SCAF8: variants seen among roughly 807,000 people sequenced by gnomAD.
SCAF8 encodes SR-related CTD associated factor 8.
In SCAF8, 23 loss-of-function variants were observed where a neutral mutation model predicts 140.5. The observed-to-expected ratio is 0.16, with a 90% confidence interval of 0.12 to 0.23. The LOEUF (loss-of-function observed/expected upper bound fraction) is 0.23. Among genes scored for constraint, SCAF8 ranks in the 10% least tolerant of loss-of-function variants. SCAF8 has a pLI of 1.00. For missense variants in SCAF8, 1,397 were observed against 1,555.7 expected (o/e 0.90, Z 1.72); for synonymous variants, 575 against 528.9 (o/e 1.09, Z -1.20).
chr6:154,820,414 G>A (rs1437146012), intron 15 of SCAF8, 81 bp downstream of exon 15: 10 of 1,132,956 alleles, frequency 8.8e-6, no homozygotes, highest in Admixed American at 7.1e-5. Context: ...GGATGACAGC[G>A]TTAACTGTGT....
At chr6:154,796,047 G>T (rs1403588718) in intron 6 of SCAF8, among the ~76,000 whole-genome samples, 1 of 151,770 alleles carries the variant, frequency 6.6e-6, no homozygotes, top group Admixed American at 6.6e-5. Context: ...ATAATTCTGT[G>T]TCCTCAGTTT....
At chr6:154,764,231 TTAA>T (rs1205508941) in intron 1 of SCAF8, among the ~76,000 whole-genome samples, 3 of 152,098 alleles carry the variant, frequency 2.0e-5, no homozygotes, top group Non-Finnish European at 4.4e-5. Flanking sequence ...AAAGAATGAA[TTAA>T]TTACACTGAA....
intron 5 of SCAF8, 52 bp from the exon 6 acceptor site, chr6:154,794,957 T>G (rs1777556317): frequency 1.3e-6 from 2 of 1,496,906 alleles, no homozygotes; most frequent in Non-Finnish European, 1.8e-6. Flanking sequence ...TTTTCTAGTC[T>G]TAGTTACTTA....
chr6:154,807,265 A>C (rs1053940690), intron 9 of SCAF8, among the ~76,000 whole-genome samples: 1 of 152,174 alleles, frequency 6.6e-6, no homozygotes, highest in Non-Finnish European at 1.5e-5. Context: ...TTAGTTAATT[A>C]CTCTATATAT....
At chr6:154,829,571 C>T (rs1778669000) in intron 18 of SCAF8, among the ~76,000 whole-genome samples, 1 of 152,060 alleles carries the variant, frequency 6.6e-6, no homozygotes, top group African/African-American at 2.4e-5. Flanking sequence ...AATTCATTTT[C>T]CTTGTATTCT....
At position 154,733,754 on chromosome 6, in the gene SCAF8, C is replaced by T. The variant is rs1488856675; in HGVS notation, c.-147C>T. The T allele has an allele frequency of 1.5e-6, 2 of 1,352,800 alleles. No individual in the cohort carries two copies. The highest frequency in any genetic ancestry group is 3.1e-5 in the African/African-American group (2 of 65,042). 83.8% of individuals were successfully genotyped at this position (1,352,800 alleles called of 1,614,324 possible). On this transcript the variant is annotated 5_prime_UTR_variant, in exon 1 of 20. Transcript: ENST00000367178. ...CCCTTCCCCGCCAGCGCGTGCCCTT[C>T]CACTCCGCCCCGAGGTCGCAGCGGC...
chr6:154,771,658 A>G (rs1430809796), intron 1 of SCAF8, among the ~76,000 whole-genome samples: 3 of 152,186 alleles, frequency 2.0e-5, no homozygotes, highest in Non-Finnish European at 1.5e-5. Context: ...AACCAAATGC[A>G]TGTTCTCACA....
chr6:154,774,796 G>A (rs1378293241), intron 2 of SCAF8, among the ~76,000 whole-genome samples: 4 of 152,196 alleles, frequency 2.6e-5, no homozygotes, highest in Admixed American at 2.0e-4. Context: ...GGAAAAGGTT[G>A]GATCCTCTGG....
intron 6 of SCAF8, among the ~76,000 whole-genome samples, chr6:154,796,936 C>T (rs1226370873): frequency 6.6e-6 from 1 of 151,278 alleles, no homozygotes; most frequent in Non-Finnish European, 1.5e-5. Context: ...CATGCCATTG[C>T]ACTGTAGCCT....
chr6:154,779,774 T>G (rs1349297395), intron 3 of SCAF8, among the ~76,000 whole-genome samples: 1 of 91,410 alleles, frequency 1.1e-5, no homozygotes, highest in African/African-American at 6.9e-5. Flanking sequence ...TGTGTGTGTG[T>G]GTGTGTGTAT....
intron 1 of SCAF8, chr6:154,742,029 G>A: frequency 2.0e-6 from 3 of 1,524,920 alleles, no homozygotes; most frequent in South Asian, 2.4e-5. Flanking sequence ...GTAAGATGAT[G>A]ATAACCCACA....
At position 154,770,301 on chromosome 6, in the gene SCAF8, A is replaced by AAC. The variant is rs139254863; in HGVS notation, c.31-3673_31-3672dup. On this transcript the variant is annotated intron_variant, in intron 1 of 19. Transcript: ENST00000367178. ...AAACCCCGTCTTTACAAAAAAAGAA[A>AAC]ACACACACACACACACGTTGAGTAT... 3.0e-3 allele frequency among the ~76,000 whole-genome samples: 460 copies of AAC among 151,130 alleles called. 3 individuals carry two copies. The highest frequency in any genetic ancestry group is 0.01 in the African/African-American group (416 of 41,158).
chr6:154,826,213 G>A (rs1778563516), intron 17 of SCAF8, among the ~76,000 whole-genome samples: 1 of 151,938 alleles, frequency 6.6e-6, no homozygotes, highest in Non-Finnish European at 1.5e-5. Flanking sequence ...TTCTGTATTT[G>A]TGATTTCAAA....
rs986963579 is a variant in SCAF8 at position 154,762,572 on chromosome 6, T to G, written c.31-11417T>G. Among the ~76,000 whole-genome samples, 4 of 152,254 alleles carry G rather than the reference T, an allele frequency of 2.6e-5. 1 individual carries two copies. The South Asian group carries it at 8.3e-4, about 32-fold the overall frequency. On this transcript the variant is annotated intron_variant, in intron 1 of 19. Transcript: ENST00000367178. ...TTAGATAGAGGGGATTATATAGGGCTTGTACAGGGTAGAAGTCTTGGGGGC... is the reference window on the plus strand; with the variant it reads ...TTAGATAGAGGGGATTATATAGGGCGTGTACAGGGTAGAAGTCTTGGGGGC...
chr6:154,805,226 T>C, intron 8 of SCAF8, 143 bp from the exon 9 acceptor site: 1 of 559,492 alleles, frequency 1.8e-6, no homozygotes, highest in Non-Finnish European at 3.2e-6. Flanking sequence ...AGTATTCTAC[T>C]TTAAGTATTA....
chr6:154,748,122 T>A (rs1209225950), intron 1 of SCAF8, among the ~76,000 whole-genome samples: 1 of 152,190 alleles, frequency 6.6e-6, no homozygotes, highest in Non-Finnish European at 1.5e-5. Flanking sequence ...AGTGTAATAT[T>A]TATTTGAAAG....
intron 2 of SCAF8, 69 bp downstream of exon 2, chr6:154,774,141 A>C: frequency 2.0e-6 from 2 of 1,001,834 alleles, no homozygotes; most frequent in Admixed American, 1.9e-5. Flanking sequence ...ATGGGGGATA[A>C]TTTTTTTATG....
intron 3 of SCAF8, among the ~76,000 whole-genome samples, chr6:154,783,024 A>G (rs1312184432): frequency 1.3e-5 from 2 of 152,188 alleles, no homozygotes; most frequent in East Asian, 1.9e-4. Flanking sequence ...CTATATTTGC[A>G]TTATAAATAA....
In SCAF8 at chr6:154,832,271, G is replaced by C; in HGVS notation, c.2692G>C (p.Gly898Arg). 5 of 1,614,052 alleles carry C rather than the reference G, an allele frequency of 3.1e-6. No individual in the cohort carries two copies. The highest frequency in any genetic ancestry group is 4.2e-6 in the Non-Finnish European group (5 of 1,180,002). ...TGTTCCAAATACTCCTGGACTTCTG[G>C]GAACACAGCCACCAGCTGGACCTCA... ...PNVPNTPGLL[G>R]TQPPAGPQNL... is the part of the protein sequence containing the mutation. Residue 898 changes from glycine (G) to arginine (R), a missense_variant, in exon 20 of 20, where the codon GGA (glycine) becomes CGA (arginine). Physicochemically the swap from Gly to Arg is moderately radical, Grantham distance 125 (BLOSUM62 -2). This residue lies in a region of SCAF8 where 930 missense variants were observed against 874.6 expected (regional missense o/e 1.06). Coordinates refer to ENST00000367178, the MANE Select transcript of SCAF8 (RefSeq NM_014892.5).
Sources: gnomAD v4.1 joint callset for allele counts (sites outside exome capture counted in the v4.1 genomes callset) on GRCh38, gnomAD v4.1.1 for gene constraint, gnomAD v4.1.1 regional missense constraint, MANE v1.5 for transcripts, NCBI Gene and HGNC (gene_info 2026-07-23, HGNC 2026-07-21) for gene names.